DYTN: variants seen among roughly 807,000 people sequenced by gnomAD.
DYTN encodes dystrotelin.
A neutral mutation model predicts 69.6 loss-of-function variants in DYTN; 75 were observed. That is an observed-to-expected ratio of 1.08 (90% CI 0.89 to 1.31). The LOEUF (loss-of-function observed/expected upper bound fraction) is 1.31. Among genes scored for constraint, DYTN ranks in the 50% most tolerant of loss-of-function variants. DYTN has a pLI of 0.00. For missense variants in DYTN, 726 were observed against 688.4 expected (o/e 1.05, Z -0.61); for synonymous variants, 252 against 249.1 (o/e 1.01, Z -0.11).
At chr2:206,677,762 G>T (rs755819803) in intron 9 of DYTN, among the ~76,000 whole-genome samples, 2 of 152,042 alleles carry the variant, frequency 1.3e-5, no homozygotes, top group Non-Finnish European at 2.9e-5. Context: ...AGACTGAGGC[G>T]GGCAGATCAC....
At chr2:206,680,096 G>C (rs1362904691) in intron 9 of DYTN, among the ~76,000 whole-genome samples, 2 of 152,138 alleles carry the variant, frequency 1.3e-5, no homozygotes, top group South Asian at 4.1e-4. Flanking sequence ...CCCGAGATGG[G>C]GTAATTTATA....
In DYTN at chr2:206,707,296, C is replaced by T. The variant is rs751593586; in HGVS notation, c.296+6G>A. Reference sequence around the variant, plus strand: ...TGAGGTCACAGCGCGACGTCCACACCCTCACCTGTTGTACATTGTCGTGAG... The same window carrying T: ...TGAGGTCACAGCGCGACGTCCACACTCTCACCTGTTGTACATTGTCGTGAG... On this transcript the variant is annotated splice_donor_region_variant and intron_variant, in intron 3 of 11. Coordinates refer to ENST00000452335, the MANE Select transcript of DYTN (RefSeq NM_001093730.1). 6.2e-6 allele frequency: 10 copies of T among 1,610,288 alleles called. No individual in the cohort carries two copies. The South Asian group carries it at 1.1e-4, about 18-fold the overall frequency.
chr2:206,666,941 A>G (rs1382652967), intron 9 of DYTN, among the ~76,000 whole-genome samples: 4 of 152,046 alleles, frequency 2.6e-5, no homozygotes, highest in Non-Finnish European at 4.4e-5. Context: ...GCTACTTAGA[A>G]GGCTGAGTCA....
intron 5 of DYTN, 126 bp from the exon 6 acceptor site, chr2:206,700,342 G>A: frequency 1.0e-6 from 1 of 980,936 alleles, no homozygotes; most frequent in Non-Finnish European, 1.6e-6. Context: ...GAGACGAGGT[G>A]AACTGTCTCA....
intron 2 of DYTN, among the ~76,000 whole-genome samples, chr2:206,709,878 A>G (rs566704439): frequency 1.3e-5 from 2 of 152,152 alleles, no homozygotes; most frequent in African/African-American, 4.8e-5. Flanking sequence ...CACCTTGGAA[A>G]ATTTTCACAG....
At chr2:206,717,945 AC>A (rs61546499) in intron 1 of DYTN, among the ~76,000 whole-genome samples, 36,486 of 152,148 alleles carry the variant, frequency 0.24, 4,656 homozygotes, top group African/African-American at 0.32. Flanking sequence ...TTAATAGTAA[AC>A]TATGAATATA....
chr2:206,683,425 C>A (rs1159342677), intron 9 of DYTN, among the ~76,000 whole-genome samples: 1 of 149,466 alleles, frequency 6.7e-6, no homozygotes, highest in African/African-American at 2.5e-5. Context: ...CTCACTGCAA[C>A]CTCTGCCTCC....
At chr2:206,713,422 T>C (rs1009279445) in intron 1 of DYTN, among the ~76,000 whole-genome samples, 3 of 152,154 alleles carry the variant, frequency 2.0e-5, no homozygotes, top group African/African-American at 4.8e-5. Context: ...ACTGCTCCCA[T>C]CGCTGTGGTA....
chr2:206,673,200 TC>T (rs61657695), intron 9 of DYTN, among the ~76,000 whole-genome samples: 20,952 of 152,168 alleles, frequency 0.14, 2,380 homozygotes, highest in African/African-American at 0.31. Flanking sequence ...TCTTATCTCT[TC>T]CCTTTTTAAA....
At position 206,676,638 on chromosome 2, in the gene DYTN, G is replaced by A. The variant is rs187091815; in HGVS notation, c.981-10609C>T. 1.3e-3 allele frequency among the ~76,000 whole-genome samples: 202 copies of A among 152,216 alleles called. 3 individuals are homozygous for A. Among genetic ancestry groups the A allele is most frequent in the East Asian group, 7.9e-3 (41 of 5,182 alleles). On this transcript the variant is annotated intron_variant, in intron 9 of 11. Coordinates refer to ENST00000452335, the MANE Select transcript of DYTN (RefSeq NM_001093730.1). The stretch of plus-strand genomic sequence containing the variant: ...ACGTAAAAATATAAAAATGAAAAGG[G>A]GGAAAATGGTTAATGGGTATAAAGT...
At chr2:206,666,790 G>A (rs1699577225) in intron 9 of DYTN, among the ~76,000 whole-genome samples, 1 of 145,324 alleles carries the variant, frequency 6.9e-6, no homozygotes, top group African/African-American at 2.6e-5. Flanking sequence ...GCTTTAGGAG[G>A]CCAAGTTGGG....
rs1454959624 is a variant in DYTN at position 206,691,584 on chromosome 2, T to C, written c.980+1591A>G. 9.9e-5 allele frequency among the ~76,000 whole-genome samples: 15 copies of C among 152,222 alleles called. No individual in the cohort carries two copies. The East Asian group carries it at 2.9e-3, about 29-fold the overall frequency. ...AATAAAGATAAACTGGAAACTGATA[T>C]CTTTGTTTTTATTTTTAAATTTAAA... On this transcript the variant is annotated intron_variant, in intron 9 of 11. Transcript: ENST00000452335.
intron 9 of DYTN, among the ~76,000 whole-genome samples, chr2:206,669,757 A>AT (rs749455759): frequency 2.0e-5 from 3 of 152,146 alleles, no homozygotes; most frequent in Non-Finnish European, 4.4e-5. Flanking sequence ...TCCATGAAAA[A>AT]GATGAAAACT....
chr2:206,660,023 A>AAT, intron 11 of DYTN, among the ~76,000 whole-genome samples: 2 of 151,964 alleles, frequency 1.3e-5, no homozygotes, highest in South Asian at 4.1e-4. Flanking sequence ...TCTTGCAAAG[A>AAT]AAAAAAGATG....
At chr2:206,708,335 G>A (rs758617518) in intron 2 of DYTN, among the ~76,000 whole-genome samples, 4 of 152,170 alleles carry the variant, frequency 2.6e-5, no homozygotes, top group Non-Finnish European at 4.4e-5. Flanking sequence ...GGGATATCAA[G>A]AGCGCCAAGA....
At chr2:206,666,051 G>A in intron 9 of DYTN, 22 bp from the exon 10 acceptor site, 2 of 1,611,150 alleles carry the variant, frequency 1.2e-6, no homozygotes, top group Non-Finnish European at 8.5e-7. Context: ...ACAGATTTGA[G>A]CGGTTTGGAA....
At chr2:206,683,992 A>T (rs1176663870) in intron 9 of DYTN, among the ~76,000 whole-genome samples, 3 of 152,056 alleles carry the variant, frequency 2.0e-5, no homozygotes, top group African/African-American at 7.2e-5. Context: ...ATATTTTAAC[A>T]TATGATATAA....
chr2:206,709,837 G>A (rs923458182), intron 2 of DYTN, among the ~76,000 whole-genome samples: 2 of 152,236 alleles, frequency 1.3e-5, no homozygotes, highest in African/African-American at 4.8e-5. Context: ...AATGCCTGAT[G>A]TGTTTCATAG....
intron 11 of DYTN, among the ~76,000 whole-genome samples, chr2:206,661,072 T>C (rs1699506626): frequency 6.6e-6 from 1 of 151,764 alleles, no homozygotes; most frequent in African/African-American, 2.4e-5. Flanking sequence ...AAAGAAAAAA[T>C]TTGGACATAG....
Sources: allele counts gnomAD v4.1 joint callset (sites outside exome capture counted in the v4.1 genomes callset), GRCh38; gene constraint gnomAD v4.1.1; transcripts MANE v1.5; gene names NCBI Gene and HGNC (gene_info 2026-07-23, HGNC 2026-07-21).